DCAF8L2: variants seen among roughly 807,000 people sequenced by gnomAD.
The protein encoded by DCAF8L2 is DDB1 and CUL4 associated factor 8 like 2, also known as DDB1- and CUL4-associated factor 8-like protein 2.
For missense variants in DCAF8L2, 430 were observed against 490.7 expected (o/e 0.88, Z 1.17); for synonymous variants, 200 against 190.9 (o/e 1.05, Z -0.39).
chrX:27,638,364 G>C (rs949506542), intron 2 of DCAF8L2, among the ~76,000 whole-genome samples: 10 of 111,656 alleles, frequency 9.0e-5, no homozygotes, highest in African/African-American at 3.3e-4. Flanking sequence ...TTTGGTGATT[G>C]TGGAAAGATG....
chrX:27,500,986 C>T, the DCAF8L2 span, among the ~76,000 whole-genome samples: 2 of 111,330 alleles, frequency 1.8e-5, no homozygotes, highest in Non-Finnish European at 3.8e-5. Flanking sequence ...TCATGGTTTG[C>T]GCAATGTTCA....
At chrX:27,514,688 A>C in the DCAF8L2 span, among the ~76,000 whole-genome samples, 3 of 78,324 alleles carry the variant, frequency 3.8e-5, no homozygotes, top group African/African-American at 6.3e-5. Context: ...AAAAAAAAAA[A>C]AAAAAAACAA....
chrX:27,558,603 A>T, the DCAF8L2 span, among the ~76,000 whole-genome samples: 4 of 110,711 alleles, frequency 3.6e-5, no homozygotes, highest in Admixed American at 9.6e-5. Flanking sequence ...TTCTTTTTTT[A>T]AATTTTTTAT....
At chrX:27,488,558 TGTGTGC>T in the DCAF8L2 span, among the ~76,000 whole-genome samples, 10,673 of 76,971 alleles carry the variant, frequency 0.14, 656 homozygotes, top group African/African-American at 0.34. Context: ...TGTGTGTGTG[TGTGTGC>T]GCTTTCATAT....
intron 4 of DCAF8L2, among the ~76,000 whole-genome samples, chrX:27,726,928 G>T (rs992016639): frequency 9.0e-6 from 1 of 111,610 alleles, no homozygotes; most frequent in Non-Finnish European, 1.9e-5. Flanking sequence ...GGTATATACT[G>T]AATAGTGGTA....
intron 3 of DCAF8L2, among the ~76,000 whole-genome samples, chrX:27,686,591 T>G (rs1477598860): frequency 1.8e-5 from 2 of 110,584 alleles, no homozygotes; most frequent in African/African-American, 6.6e-5. Flanking sequence ...GGGTAGGGGA[T>G]GAAGATAGGT....
At chrX:27,481,793 T>C in the DCAF8L2 span, among the ~76,000 whole-genome samples, 1 of 112,113 alleles carries the variant, frequency 8.9e-6, no homozygotes, top group Non-Finnish European at 1.9e-5. Flanking sequence ...TTGGATCTAT[T>C]GAATTTGGAT....
chrX:27,669,470 T>G (rs749781852), intron 2 of DCAF8L2, among the ~76,000 whole-genome samples: 9 of 109,802 alleles, frequency 8.2e-5, no homozygotes, highest in Non-Finnish European at 1.7e-4. Context: ...ATTTATTTAT[T>G]TATTTATTTT....
At chrX:27,471,044 C>A in the DCAF8L2 span, among the ~76,000 whole-genome samples, 1 of 111,071 alleles carries the variant, frequency 9.0e-6, no homozygotes, top group Admixed American at 9.6e-5. Flanking sequence ...TCAGTCAGGG[C>A]CAAATATACC....
At chrX:27,498,056 C>T in the DCAF8L2 span, among the ~76,000 whole-genome samples, 1 of 112,054 alleles carries the variant, frequency 8.9e-6, no homozygotes, top group Non-Finnish European at 1.9e-5. Context: ...ATACATATCA[C>T]ATTTTGTTTA....
chrX:27,602,044 G>A (rs1348651292), intron 1 of DCAF8L2, among the ~76,000 whole-genome samples: 1 of 111,844 alleles, frequency 8.9e-6, no homozygotes, highest in East Asian at 2.8e-4. Context: ...AAAAAGATAT[G>A]TAGGCCTGCT....
chrX:27,674,558 T>A (rs141543589), intron 2 of DCAF8L2, among the ~76,000 whole-genome samples: 438 of 111,314 alleles, frequency 3.9e-3, no homozygotes, highest in African/African-American at 0.013. Context: ...GACTTTCTCA[T>A]GTTCATGTTC....
At chrX:27,725,981 G>A (rs1281022858) in intron 4 of DCAF8L2, among the ~76,000 whole-genome samples, 7 of 111,386 alleles carry the variant, frequency 6.3e-5, no homozygotes, top group African/African-American at 2.3e-4. Context: ...CAAGAGAAAT[G>A]AGTTAGCAAC....
intron 2 of DCAF8L2, among the ~76,000 whole-genome samples, chrX:27,672,738 C>T (rs1413111861): frequency 1.8e-5 from 2 of 111,811 alleles, no homozygotes; most frequent in East Asian, 2.8e-4. Context: ...AACTACAGGG[C>T]GAAACTTTAT....
chrX:27,685,404 G>A (rs1281204844), intron 3 of DCAF8L2, among the ~76,000 whole-genome samples: 1 of 111,452 alleles, frequency 9.0e-6, no homozygotes, highest in Non-Finnish European at 1.9e-5. Context: ...TTCAATTACT[G>A]TATCAATAAC....
intron 3 of DCAF8L2, among the ~76,000 whole-genome samples, chrX:27,696,332 A>AAGAAAGAAAGAG (rs1236353497): frequency 6.3e-5 from 2 of 31,688 alleles, no homozygotes; most frequent in South Asian, 1.5e-3. Context: ...GAAAGAAAGA[A>AAGAAAGAAAGAG]AAAGAAAGAA....
intron 1 of DCAF8L2, among the ~76,000 whole-genome samples, chrX:27,602,760 T>C (rs1926708270): frequency 1.8e-5 from 2 of 112,050 alleles, no homozygotes; most frequent in Admixed American, 1.9e-4. Flanking sequence ...TGATTTGTGT[T>C]ACACTAAGTG....
the DCAF8L2 span, among the ~76,000 whole-genome samples, chrX:27,505,971 T>A: frequency 8.9e-6 from 1 of 112,047 alleles, no homozygotes; most frequent in South Asian, 3.7e-4. Context: ...TGTGCTCTGG[T>A]CATATGCTCT....
At chrX:27,730,822 C>T (rs1921150743) in intron 4 of DCAF8L2, among the ~76,000 whole-genome samples, 2 of 110,753 alleles carry the variant, frequency 1.8e-5, no homozygotes, top group Non-Finnish European at 3.8e-5. Context: ...ATAAATATAT[C>T]ACAATGCTGG....
Sources: allele counts gnomAD v4.1 joint callset (sites outside exome capture counted in the v4.1 genomes callset), GRCh38; gene constraint gnomAD v4.1.1; transcripts MANE v1.5; gene names NCBI Gene and HGNC (gene_info 2026-07-23, HGNC 2026-07-21).